TTC34: variants seen among roughly 807,000 people sequenced by gnomAD.
TTC34 encodes tetratricopeptide repeat domain 34, also known as tetratricopeptide repeat protein 34.
A neutral mutation model predicts 40.7 loss-of-function variants in TTC34; 44 were observed. The observed-to-expected ratio is 1.08, with a 90% CI of 0.85 to 1.39. The LOEUF is 1.39. Ranked by LOEUF, TTC34 falls within the 40% of genes most tolerant of loss-of-function variation. TTC34 has a pLI of 0.00. For missense variants in TTC34, 884 were observed against 838.0 expected (o/e 1.05, Z -0.68); for synonymous variants, 422 against 398.6 (o/e 1.06, Z -0.70).
intron 6 of TTC34, among the ~76,000 whole-genome samples, chr1:2,692,062 C>T (rs534021238): frequency 1.5e-5 from 2 of 130,150 alleles, no homozygotes; most frequent in African/African-American, 5.7e-5. Context: ...ACAGCACCCA[C>T]ACCCCCAGGT....
At chr1:2,797,419 G>A (rs1309333798) in intron 2 of TTC34, among the ~76,000 whole-genome samples, 2 of 152,106 alleles carry the variant, frequency 1.3e-5, no homozygotes, top group Admixed American at 1.3e-4. Flanking sequence ...TGCCTCTGTC[G>A]GGAGCCTTGA....
chr1:2,637,542 T>G (rs984650042), exon 9 of TTC34: 9 of 152,134 alleles, frequency 5.9e-5, no homozygotes, highest in Non-Finnish European at 8.8e-5. Context: ...TTGGGGGAGC[T>G]TCACAGTTAA....
chr1:2,688,270 C>A (rs1301709210), intron 6 of TTC34, among the ~76,000 whole-genome samples: 2 of 141,382 alleles, frequency 1.4e-5, no homozygotes, highest in African/African-American at 5.8e-5. Flanking sequence ...CATGTGACAG[C>A]CTGGATCAGC....
exon 9 of TTC34, chr1:2,641,814 C>G (rs1638912543): frequency 2.6e-6 from 4 of 1,534,454 alleles, no homozygotes; most frequent in Non-Finnish European, 3.5e-6. Flanking sequence ...CTGCCACTGG[C>G]CAGGACAGAC....
At chr1:2,768,224 C>T (rs545313719) in intron 6 of TTC34, among the ~76,000 whole-genome samples, 31 of 151,750 alleles carry the variant, frequency 2.0e-4, no homozygotes, top group African/African-American at 6.3e-4. Context: ...TGAGGATGCT[C>T]ACCTGAGGTT....
At chr1:2,752,835 G>C (rs1641369415) in intron 6 of TTC34, among the ~76,000 whole-genome samples, 2 of 146,330 alleles carry the variant, frequency 1.4e-5, no homozygotes, top group East Asian at 2.1e-4. Flanking sequence ...GCACCTGACA[G>C]ACTGGAACAG....
chr1:2,757,720 G>T (rs1371841469), intron 6 of TTC34, among the ~76,000 whole-genome samples: 4 of 142,918 alleles, frequency 2.8e-5, no homozygotes, highest in African/African-American at 1.1e-4. Context: ...ACCCACAGGT[G>T]AGCATCTGAC....
chr1:2,782,476 C>T (rs1452881066), intron 6 of TTC34, among the ~76,000 whole-genome samples: 2 of 151,114 alleles, frequency 1.3e-5, no homozygotes, highest in Non-Finnish European at 2.9e-5. Flanking sequence ...TCTTCTCTAT[C>T]CTATGTTTTA....
chr1:2,767,945 G>A (rs1284194509), intron 6 of TTC34, among the ~76,000 whole-genome samples: 6 of 149,846 alleles, frequency 4.0e-5, no homozygotes, highest in African/African-American at 9.8e-5. Flanking sequence ...GTGGGCATCC[G>A]ATGGCATGGA....
chr1:2,748,888 T>A (rs1300820462), intron 6 of TTC34, among the ~76,000 whole-genome samples: 64 of 62,564 alleles, frequency 1.0e-3, no homozygotes, highest in East Asian at 2.2e-3. Flanking sequence ...CACCTTCAGG[T>A]GAGCATCTGA....
chr1:2,657,411 G>A (rs192036584), intron 6 of TTC34, among the ~76,000 whole-genome samples: 2 of 91,134 alleles, frequency 2.2e-5, no homozygotes, highest in African/African-American at 6.8e-5. Context: ...TCCCGGAGCA[G>A]TACCAGTACC....
At chr1:2,686,203 C>CTG (rs1640336559) in intron 6 of TTC34, among the ~76,000 whole-genome samples, 1 of 146,766 alleles carries the variant, frequency 6.8e-6, no homozygotes, top group Admixed American at 6.7e-5. Context: ...GCCCACACCC[C>CTG]CAGGCGAGCA....
chr1:2,698,527 C>G (rs917803393), intron 6 of TTC34, among the ~76,000 whole-genome samples: 1 of 141,780 alleles, frequency 7.1e-6, no homozygotes, highest in Non-Finnish European at 1.5e-5. Flanking sequence ...GCACCCCACA[C>G]CCCCAGGTGA....
chr1:2,795,697 G>A (rs1027222372), intron 2 of TTC34, among the ~76,000 whole-genome samples: 5 of 152,298 alleles, frequency 3.3e-5, no homozygotes, highest in South Asian at 2.1e-4. Context: ...CTTTCCTAGC[G>A]CTCTTAATGA....
At position 2,789,488 on chromosome 1, in the gene TTC34, C is replaced by T. The variant is rs1157129903; in HGVS notation, c.1628+15G>A. 7 of 1,506,298 alleles carry T rather than the reference C, an allele frequency of 4.6e-6. No homozygotes were observed. Among genetic ancestry groups the T allele is most frequent in the East Asian group, 5.3e-5 (2 of 37,570 alleles). The allele number at this position is 1,506,298 out of a possible 1,614,324, so 93.3% of individuals were successfully genotyped here. A position where few individuals can be genotyped will look rare whatever the true frequency, so the allele number is the denominator to read the frequency against. Reference sequence around the variant, plus strand: ...CAGGAAGCAGCGGCCCCAGCGTGCCCGGGCGGGTCCTCACCCCTCCTGCGT... The same window carrying T: ...CAGGAAGCAGCGGCCCCAGCGTGCCTGGGCGGGTCCTCACCCCTCCTGCGT... On this transcript the variant is annotated intron_variant, in intron 3 of 8. Coordinates refer to ENST00000401095, the Ensembl canonical transcript of TTC34.
intron 6 of TTC34, among the ~76,000 whole-genome samples, chr1:2,683,181 G>T (rs1442157047): frequency 3.8e-5 from 5 of 132,128 alleles, no homozygotes; most frequent in Admixed American, 2.3e-4. Flanking sequence ...GCCTGGAGCG[G>T]AACCCACGGC....
At chr1:2,762,029 C>G (rs1462414652) in intron 6 of TTC34, among the ~76,000 whole-genome samples, 1 of 51,824 alleles carries the variant, frequency 1.9e-5, no homozygotes, top group Non-Finnish European at 3.1e-5. Context: ...GAGCATGTGA[C>G]AGCCTGGAGC....
intron 6 of TTC34, among the ~76,000 whole-genome samples, chr1:2,767,888 C>A (rs555004596): frequency 7.3e-5 from 11 of 150,346 alleles, no homozygotes; most frequent in African/African-American, 2.4e-4. Flanking sequence ...CACCCTCCAC[C>A]ACCAGATGAG....
intron 6 of TTC34, among the ~76,000 whole-genome samples, chr1:2,681,375 GCA>G (rs1640066408): frequency 2.3e-5 from 2 of 88,824 alleles, no homozygotes; most frequent in African/African-American, 9.7e-5. Flanking sequence ...GCCTGGAACA[GCA>G]CACACACCCC....
Sources: allele counts gnomAD v4.1 joint callset (sites outside exome capture counted in the v4.1 genomes callset), GRCh38; gene constraint gnomAD v4.1.1; transcripts MANE v1.5; gene names NCBI Gene and HGNC (gene_info 2026-07-23, HGNC 2026-07-21).